The following GRM1 variants were observed in gnomAD, a reference collection of about 807,000 sequenced individuals.
The protein encoded by GRM1 is glutamate metabotropic receptor 1.
A neutral mutation model predicts 90.9 loss-of-function variants in GRM1; 33 were observed. The observed-to-expected ratio is 0.36, with a 90% CI of 0.28 to 0.49. GRM1 has a LOEUF of 0.49. GRM1 is among the 20% of genes least tolerant of loss of function. GRM1 has a pLI of 0.99. For missense variants in GRM1, 1,190 were observed against 1,534.3 expected (o/e 0.78, Z 3.75); for synonymous variants, 700 against 613.2 (o/e 1.14, Z -2.09).
At chr6:146,239,568 A>G (rs1006013254) in intron 2 of GRM1, among the ~76,000 whole-genome samples, 1 of 152,144 alleles carries the variant, frequency 6.6e-6, no homozygotes, top group African/African-American at 2.4e-5. Context: ...ATTTTATGCC[A>G]GTGTCTGTGC....
chr6:146,153,428 G>T (rs185644911), intron 1 of GRM1, among the ~76,000 whole-genome samples: 6 of 152,170 alleles, frequency 3.9e-5, no homozygotes, highest in Non-Finnish European at 7.4e-5. Context: ...ATTGATAAAA[G>T]GACAAGTTCT....
intron 6 of GRM1, 110 bp downstream of exon 6, chr6:146,387,126 TGCACAC>T: frequency 9.5e-7 from 1 of 1,056,172 alleles, no homozygotes. Context: ...TAATTTACAA[TGCACAC>T]TTTTTAGTCC....
At chr6:146,412,436 A>AT (rs1049503199) in intron 7 of GRM1, among the ~76,000 whole-genome samples, 23 of 151,174 alleles carry the variant, frequency 1.5e-4, no homozygotes, top group Admixed American at 3.9e-4. Flanking sequence ...TGTTTTTCAC[A>AT]TTTTTTTTTG....
At chr6:146,116,071 C>T (rs1379171800) in intron 1 of GRM1, among the ~76,000 whole-genome samples, 1 of 152,136 alleles carries the variant, frequency 6.6e-6, no homozygotes, top group Non-Finnish European at 1.5e-5. Context: ...TTCCCTCAGC[C>T]TCCCAAGTAG....
At chr6:146,419,345 A>T (rs1777906049) in intron 7 of GRM1, among the ~76,000 whole-genome samples, 1 of 152,242 alleles carries the variant, frequency 6.6e-6, no homozygotes, top group Non-Finnish European at 1.5e-5. Context: ...TTGGAAAAAC[A>T]ATAGGAAGGA....
In GRM1 at chr6:146,437,421, T is replaced by A. The variant is rs1778627526; in HGVS notation, c.*2625T>A. ...AGTATTAGTCCTTATGTCATCATTG[T>A]TCAAAATTGGAGATGTACACATACA... On this transcript the variant is annotated 3_prime_UTR_variant, in exon 8 of 8. Coordinates refer to ENST00000282753, the MANE Select transcript of GRM1 (RefSeq NM_001278064.2). 6.5e-6 allele frequency: 1 copy of A among 152,714 alleles called. No individual in the cohort carries two copies. The highest frequency in any genetic ancestry group is 2.1e-4 in the South Asian group (1 of 4,824). The allele number at this position is 152,714 out of a possible 1,614,324, so 9.5% of individuals were successfully genotyped here.
intron 2 of GRM1, among the ~76,000 whole-genome samples, chr6:146,173,194 G>A (rs979643369): frequency 1.3e-5 from 2 of 151,884 alleles, no homozygotes; most frequent in Non-Finnish European, 2.9e-5. Flanking sequence ...TTCAGGACCA[G>A]CCAGACCAAC....
At chr6:146,200,031 G>A (rs1383992183) in intron 2 of GRM1, among the ~76,000 whole-genome samples, 1 of 152,118 alleles carries the variant, frequency 6.6e-6, no homozygotes, top group Non-Finnish European at 1.5e-5. Context: ...CAGAGGGTCT[G>A]CAGAGCTCAC....
chr6:146,160,932 A>C (rs556956004), intron 2 of GRM1, among the ~76,000 whole-genome samples: 1 of 152,316 alleles, frequency 6.6e-6, no homozygotes, highest in East Asian at 1.9e-4. Flanking sequence ...TGGCGTCTTC[A>C]ACATGGTGCA....
intron 1 of GRM1, among the ~76,000 whole-genome samples, chr6:146,135,288 C>A (rs776441033): frequency 1.3e-5 from 2 of 152,128 alleles, no homozygotes; most frequent in Non-Finnish European, 2.9e-5. Context: ...GCTGCCAGAG[C>A]GCCTGCTTAT....
intron 2 of GRM1, among the ~76,000 whole-genome samples, chr6:146,288,272 A>G (rs1043385347): frequency 6.6e-6 from 1 of 152,118 alleles, no homozygotes; most frequent in Admixed American, 6.5e-5. Context: ...GTTATAGGCA[A>G]TGCTGGAGAG....
At chr6:146,096,688 G>A (rs1776885224) in intron 1 of GRM1, among the ~76,000 whole-genome samples, 1 of 152,132 alleles carries the variant, frequency 6.6e-6, no homozygotes, top group Non-Finnish European at 1.5e-5. Flanking sequence ...TGATTAAGGA[G>A]TGATATTAGA....
chr6:146,215,341 T>C (rs1779831313), intron 2 of GRM1, among the ~76,000 whole-genome samples: 1 of 152,174 alleles, frequency 6.6e-6, no homozygotes, highest in Non-Finnish European at 1.5e-5. Flanking sequence ...ATGTCAGTAT[T>C]TCTCTTTTTT....
intron 2 of GRM1, among the ~76,000 whole-genome samples, chr6:146,189,546 T>A (rs1778863206): frequency 6.6e-6 from 1 of 152,222 alleles, no homozygotes; most frequent in Admixed American, 6.5e-5. Flanking sequence ...CACTTTCATA[T>A]CATTATCATT....
At chr6:146,390,849 G>C (rs1169645563) in intron 6 of GRM1, among the ~76,000 whole-genome samples, 1 of 152,016 alleles carries the variant, frequency 6.6e-6, no homozygotes, top group African/African-American at 2.4e-5. Flanking sequence ...ATAGAGTTAT[G>C]GGTAAAATGT....
rs142455437 is a variant in GRM1, at chr6:146,115,122, C to T, written c.701-44226C>T. The stretch of plus-strand genomic sequence containing the variant: ...AACCTACAGATTTGAAAAGTAATTG[C>T]TTTTGACTTTAGGTATGTTATTTTG... On this transcript the variant is annotated intron_variant, in intron 1 of 7. Coordinates refer to ENST00000282753, the MANE Select transcript of GRM1 (RefSeq NM_001278064.2). 1.3e-4 allele frequency among the ~76,000 whole-genome samples: 20 copies of T among 151,942 alleles called. No individual in the cohort carries two copies. The East Asian group carries it at 3.7e-3, about 28-fold the overall frequency.
At chr6:146,236,227 C>G (rs1479604508) in intron 2 of GRM1, among the ~76,000 whole-genome samples, 1 of 152,156 alleles carries the variant, frequency 6.6e-6, no homozygotes, top group African/African-American at 2.4e-5. Context: ...ATCCAAAATA[C>G]TGTCATTATG....
chr6:146,367,242 G>T (rs1055672358), intron 5 of GRM1, among the ~76,000 whole-genome samples: 4 of 151,862 alleles, frequency 2.6e-5, no homozygotes, highest in African/African-American at 9.7e-5. Flanking sequence ...GGACTCTCTC[G>T]TCTGTTCCAC....
intron 1 of GRM1, among the ~76,000 whole-genome samples, chr6:146,043,796 T>TATATAGAGATATAG (rs577546115): frequency 7.2e-5 from 10 of 137,940 alleles, no homozygotes; most frequent in African/African-American, 2.6e-4. Context: ...TATATATATA[T>TATATAGAGATATAG]ATATATATAT....
Sources: allele counts gnomAD v4.1 joint callset (sites outside exome capture counted in the v4.1 genomes callset), GRCh38; gene constraint gnomAD v4.1.1; transcripts MANE v1.5; gene names NCBI Gene and HGNC (gene_info 2026-07-23, HGNC 2026-07-21).